The following ERBB4 variants were observed in gnomAD, a reference collection of about 807,000 sequenced individuals.
ERBB4 encodes receptor tyrosine-protein kinase erbB-4.
Under a neutral mutation model 158.0 loss-of-function variants are expected in ERBB4, and 42 were observed. The ratio of observed to expected loss-of-function variants is 0.27; its 90% CI spans 0.21 to 0.34. The LOEUF is 0.34. ERBB4 is among the 10% of genes least tolerant of loss of function. The pLI is 1.00. For synonymous variants in ERBB4, 583 were observed against 558.7 expected (o/e 1.04, Z -0.61); for missense variants, 1,333 against 1,624.1 (o/e 0.82, Z 3.08).
rs144535985 is a variant in ERBB4 at position 211,582,937 on chromosome 2, G to C, written c.2302-20849C>G. Among the ~76,000 whole-genome samples the C allele has an allele frequency of 2.7e-4, 41 of 152,228 alleles. No individual in the cohort carries two copies. In the East Asian group the frequency reaches 7.5e-3, roughly 28 times the overall value. On this transcript the variant is annotated intron_variant, in intron 19 of 27. Transcript: ENST00000342788. ...CTGTAATTAAAGCAGGAATGCACTT[G>C]AGAATATTTGAGATATCAGTATATC...
At chr2:211,738,982 T>C (rs1203951720) in intron 5 of ERBB4, among the ~76,000 whole-genome samples, 1 of 152,166 alleles carries the variant, frequency 6.6e-6, no homozygotes, top group Admixed American at 6.5e-5. Context: ...ATTTGTTATG[T>C]CATGTTTAAA....
chr2:211,953,363 C>A (rs1003495156), intron 2 of ERBB4, among the ~76,000 whole-genome samples: 15 of 151,002 alleles, frequency 9.9e-5, no homozygotes, highest in African/African-American at 3.4e-4. Flanking sequence ...TGCATATGTA[C>A]CCCAGAACTT....
intron 2 of ERBB4, among the ~76,000 whole-genome samples, chr2:212,003,458 AG>A (rs1339821526): frequency 6.6e-6 from 1 of 152,030 alleles, no homozygotes; most frequent in African/African-American, 2.4e-5. Flanking sequence ...AACACAAGGC[AG>A]GAGAATAGTG....
chr2:212,091,272 T>C (rs769137916), intron 2 of ERBB4, among the ~76,000 whole-genome samples: 3 of 152,024 alleles, frequency 2.0e-5, no homozygotes, highest in Non-Finnish European at 2.9e-5. Context: ...TTTTCCAAAA[T>C]TCAAGTATAG....
At chr2:212,045,380 C>T (rs1298399290) in intron 2 of ERBB4, among the ~76,000 whole-genome samples, 1 of 152,168 alleles carries the variant, frequency 6.6e-6, no homozygotes, top group Non-Finnish European at 1.5e-5. Context: ...ATCACTTGAA[C>T]CTGGGAGACA....
At chr2:211,495,896 G>A (rs972431652) in intron 20 of ERBB4, among the ~76,000 whole-genome samples, 34 of 151,914 alleles carry the variant, frequency 2.2e-4, no homozygotes, top group Admixed American at 2.0e-3. Context: ...ATATCTTAAA[G>A]AGAAACCTAT....
chr2:211,656,936 T>G (rs1363246690), intron 16 of ERBB4, among the ~76,000 whole-genome samples: 1 of 152,224 alleles, frequency 6.6e-6, no homozygotes, highest in Non-Finnish European at 1.5e-5. Flanking sequence ...CATAGGTTTT[T>G]GTGTGGGAAT....
rs144146912 is a variant in ERBB4, at chr2:212,513,814, A to AAAATAAATAAATAAATAAATAAATAAAT, written c.82+24634_82+24635insATTTATTTATTTATTTATTTATTTATTT. ...GCGACACGGCGAGACTCCGTCTCAA[A>AAAATAAATAAATAAATAAATAAATAAAT]AAATAAATAAATAAATAAATAAAAA... On this transcript the variant is annotated intron_variant, in intron 1 of 27. Transcript: ENST00000342788. 9.2e-5 allele frequency among the ~76,000 whole-genome samples: 14 copies of AAAATAAATAAATAAATAAATAAATAAAT among 151,778 alleles called. 1 individual carries two copies. Among genetic ancestry groups the AAAATAAATAAATAAATAAATAAATAAAT allele is most frequent in the African/African-American group, 3.4e-4 (14 of 41,116 alleles).
chr2:211,391,773 G>C (rs934159110), intron 25 of ERBB4, among the ~76,000 whole-genome samples: 2 of 151,978 alleles, frequency 1.3e-5, no homozygotes, highest in African/African-American at 4.8e-5. Flanking sequence ...TCTTATATTT[G>C]TATTATTTAA....
At chr2:211,772,924 C>CATATAT (rs1159274288) in intron 4 of ERBB4, among the ~76,000 whole-genome samples, 650 of 36,656 alleles carry the variant, frequency 0.018, 16 homozygotes, top group East Asian at 0.029. Context: ...CACACACACA[C>CATATAT]ATATATATAT....
intron 19 of ERBB4, among the ~76,000 whole-genome samples, chr2:211,568,057 G>T (rs1261738806): frequency 6.6e-6 from 1 of 152,020 alleles, no homozygotes; most frequent in East Asian, 1.9e-4. Flanking sequence ...AAGACCATGG[G>T]AATAAATACA....
chr2:212,536,965 G>T (rs980476629), intron 1 of ERBB4, among the ~76,000 whole-genome samples: 3 of 152,150 alleles, frequency 2.0e-5, no homozygotes, highest in African/African-American at 7.2e-5. Flanking sequence ...TGTCAAGTCC[G>T]TGTTGGTGTG....
chr2:211,981,953 GGTTA>G (rs774196931), intron 2 of ERBB4, among the ~76,000 whole-genome samples: 19 of 151,910 alleles, frequency 1.3e-4, no homozygotes, highest in Admixed American at 2.0e-4. Context: ...AAATTCAGCT[GGTTA>G]GTAAGTTTTA....
At chr2:211,974,241 T>C (rs573498221) in intron 2 of ERBB4, among the ~76,000 whole-genome samples, 3 of 152,336 alleles carry the variant, frequency 2.0e-5, no homozygotes, top group African/African-American at 7.2e-5. Context: ...AGCTTTTTTT[T>C]TAAATCATAA....
intron 20 of ERBB4, among the ~76,000 whole-genome samples, chr2:211,470,130 T>TA (rs1342741857): frequency 6.6e-6 from 1 of 152,116 alleles, no homozygotes; most frequent in East Asian, 1.9e-4. Context: ...CTTCACTCCT[T>TA]GTGGTTGGCT....
At chr2:211,710,605 T>C (rs2106074942) in intron 9 of ERBB4, among the ~76,000 whole-genome samples, 1 of 152,236 alleles carries the variant, frequency 6.6e-6, no homozygotes, top group Non-Finnish European at 1.5e-5. Context: ...TATGTCCTCA[T>C]CAAAATATCA....
chr2:212,109,155 C>T (rs971186154), intron 2 of ERBB4, among the ~76,000 whole-genome samples: 3 of 152,134 alleles, frequency 2.0e-5, no homozygotes, highest in Non-Finnish European at 4.4e-5. Context: ...TACAACATGC[C>T]AGCATCTTTA....
intron 2 of ERBB4, among the ~76,000 whole-genome samples, chr2:212,060,363 G>T (rs1194467444): frequency 6.6e-6 from 1 of 151,602 alleles, no homozygotes; most frequent in Non-Finnish European, 1.5e-5. Context: ...CTGTTGGTGG[G>T]ACTGTAAACT....
At chr2:211,806,418 G>A (rs1327442281) in intron 3 of ERBB4, among the ~76,000 whole-genome samples, 2 of 151,712 alleles carry the variant, frequency 1.3e-5, no homozygotes, top group Admixed American at 6.6e-5. Context: ...AGTATAGAAG[G>A]AGACATTTTG....
Sources: allele counts gnomAD v4.1 joint callset (sites outside exome capture counted in the v4.1 genomes callset), GRCh38; gene constraint gnomAD v4.1.1; transcripts MANE v1.5; gene names NCBI Gene and HGNC (gene_info 2026-07-23, HGNC 2026-07-21).